DHX36: variants seen among roughly 807,000 people sequenced by gnomAD.
The protein encoded by DHX36 is ATP-dependent DNA/RNA helicase DHX36.
In DHX36, 50 loss-of-function variants were observed where a neutral mutation model predicts 139.0. The ratio of observed to expected loss-of-function variants is 0.36; its 90% CI spans 0.29 to 0.46. The LOEUF is 0.46. Ranked by LOEUF, DHX36 falls within the 20% of genes least tolerant of loss-of-function variation. The pLI, the probability that DHX36 is intolerant of heterozygous loss-of-function variation, is 1.00. For missense variants in DHX36, 1,024 were observed against 1,211.3 expected, an observed-to-expected ratio of 0.85 and a Z score of 2.29; for synonymous variants, 425 against 401.9, an observed-to-expected ratio of 1.06 and a Z score of -0.69.
At chr3:154,290,112 G>A (rs1254488520) in intron 15 of DHX36, among the ~76,000 whole-genome samples, 1 of 152,066 alleles carries the variant, frequency 6.6e-6, no homozygotes, top group Non-Finnish European at 1.5e-5. Context: ...CCAAATTACT[G>A]TGCTCAGTAA....
intron 2 of DHX36, 66 bp downstream of exon 2, chr3:154,315,973 G>T: frequency 1.3e-6 from 2 of 1,484,596 alleles, no homozygotes; most frequent in Non-Finnish European, 1.8e-6. Flanking sequence ...AGAAAATAAA[G>T]ATGTTATTTT....
intron 17 of DHX36, among the ~76,000 whole-genome samples, chr3:154,285,292 A>T (rs1325532334): frequency 3.3e-5 from 5 of 152,226 alleles, no homozygotes; most frequent in African/African-American, 1.2e-4. Flanking sequence ...TTGTAGAAAC[A>T]AACAACAAAA....
Position 154,276,801 on chromosome 3 carries a change from A to G in DHX36, c.2787T>C (p.Ala929=), listed in dbSNP as rs768734415. The part of the protein sequence containing the change: ...IQKDNDQETI[A]VDEWIVFQSP... ...ACTGAAATACAATCCACTCATCTACAGCAATAGTTTCCTGATCGTTATCCT... is the reference window on the plus strand; with the variant it reads ...ACTGAAATACAATCCACTCATCTACGGCAATAGTTTCCTGATCGTTATCCT... The change falls in exon 24 of 25, where the codon GCT becomes GCC. Residue 929 remains alanine, a synonymous_variant. Transcript: ENST00000496811. 2 of 1,614,036 alleles carry G rather than the reference A, an allele frequency of 1.2e-6. No individual in the cohort carries two copies. Among genetic ancestry groups the G allele is most frequent in the South Asian group, 2.2e-5 (2 of 91,064 alleles).
chr3:154,280,880 C>T lies in DHX36; in HGVS notation c.2377-18G>A. ...TGCAGCATCTAGGGAGCAATGGTAA[C>T]AAATAGAACTAGAATACCTTTCACA... On this transcript the variant is annotated intron_variant, in intron 20 of 24. Coordinates refer to ENST00000496811, the MANE Select transcript of DHX36 (RefSeq NM_020865.3). 6.3e-7 allele frequency: 1 copy of T among 1,580,946 alleles called. No homozygotes were observed. The highest frequency in any genetic ancestry group is 8.7e-7 in the Non-Finnish European group (1 of 1,151,684).
chr3:154,284,519 T>A (rs1427972924), intron 19 of DHX36, 64 bp downstream of exon 19: 10 of 1,360,988 alleles, frequency 7.3e-6, no homozygotes, highest in Non-Finnish European at 1.0e-5. Context: ...ATGATCCTTA[T>A]TCTATTATTA....
intron 12 of DHX36, among the ~76,000 whole-genome samples, chr3:154,296,659 C>G (rs1712060523): frequency 6.6e-6 from 1 of 152,062 alleles, no homozygotes; most frequent in Non-Finnish European, 1.5e-5. Context: ...GGGAGAGTAT[C>G]AAGAAAGCAA....
intron 17 of DHX36, among the ~76,000 whole-genome samples, chr3:154,285,393 A>T (rs748804395): frequency 6.6e-6 from 1 of 152,230 alleles, no homozygotes; most frequent in Non-Finnish European, 1.5e-5. Flanking sequence ...AAAGCAAAAG[A>T]AAAAGGAACT....
At chr3:154,276,476 C>T in intron 24 of DHX36, 120 bp from the exon 25 acceptor site, 3 of 978,976 alleles carry the variant, frequency 3.1e-6, no homozygotes, top group Non-Finnish European at 4.5e-6. Flanking sequence ...AAAGCTAAAA[C>T]ATTTAGTGAG....
chr3:154,277,528 A>G, intron 23 of DHX36, 70 bp downstream of exon 23: 2 of 1,464,406 alleles, frequency 1.4e-6, no homozygotes, highest in South Asian at 3.1e-5. Context: ...ATAATTGTTA[A>G]AACTACACAA....
Position 154,276,711 on chromosome 3 carries a change from CAT to C in DHX36, c.2841+34_2841+35del, listed in dbSNP as rs777290837. 3 of 1,601,754 alleles carry C rather than the reference CAT, an allele frequency of 1.9e-6. No homozygotes were observed. The East Asian group carries it at 6.7e-5, about 36-fold the overall frequency. On this transcript the variant is annotated intron_variant, in intron 24 of 24. Coordinates refer to ENST00000496811, the MANE Select transcript of DHX36 (RefSeq NM_020865.3). ...AACCACATGACCACATGCTGACTTA[CAT>C]GTAGATTTAAGATAATCACATAAAG...
At position 154,284,813 on chromosome 3, in the gene DHX36, C is replaced by A; in HGVS notation, c.2205+1G>T. On this transcript the variant is annotated splice_donor_variant, in intron 18 of 24. Coordinates refer to ENST00000496811, the MANE Select transcript of DHX36 (RefSeq NM_020865.3). LOFTEE classifies it high-confidence loss of function. ...CTCGGTTTTATTTCCATTTTTCTTA[C>A]CAGTGGAATGACAAATGGATCTTTG... The A allele has an allele frequency of 6.2e-7, 1 of 1,613,070 alleles. No homozygotes were observed. The highest frequency in any genetic ancestry group is 8.5e-7 in the Non-Finnish European group (1 of 1,179,454).
rs1159938610 is a variant in DHX36, at chr3:154,282,568, T to C, written c.2376+620A>G. Reference sequence around the variant, plus strand: ...CTTTTCCTTTCCTTCCGAATTGTGGTGATCCTTTTTTTCCATTTTGCTAAT... The same window carrying C: ...CTTTTCCTTTCCTTCCGAATTGTGGCGATCCTTTTTTTCCATTTTGCTAAT... On this transcript the variant is annotated intron_variant, in intron 20 of 24. Transcript: ENST00000496811. Among the ~76,000 whole-genome samples the C allele has an allele frequency of 2.6e-5, 4 of 151,924 alleles. No individual in the cohort carries two copies. In the South Asian group the frequency reaches 6.2e-4, roughly 24 times the overall value.
chr3:154,303,271 T>A, intron 9 of DHX36, 58 bp downstream of exon 9: 2 of 1,248,254 alleles, frequency 1.6e-6, no homozygotes, highest in Admixed American at 2.2e-5. Context: ...AAGTTTGACA[T>A]GAGAAAAGTG....
chr3:154,296,407 G>A (rs950102458), intron 12 of DHX36, among the ~76,000 whole-genome samples: 1 of 152,236 alleles, frequency 6.6e-6, no homozygotes, highest in African/African-American at 2.4e-5. Flanking sequence ...CTGGGAGGCG[G>A]AGCTTGCAGT....
At chr3:154,321,761 C>G (rs958322540) in intron 1 of DHX36, among the ~76,000 whole-genome samples, 9 of 152,268 alleles carry the variant, frequency 5.9e-5, no homozygotes, top group African/African-American at 1.9e-4. Flanking sequence ...GAGCTCAAGA[C>G]CAGCCTGGCC....
chr3:154,277,310 T>G (rs933022494), intron 23 of DHX36, among the ~76,000 whole-genome samples: 5 of 152,166 alleles, frequency 3.3e-5, no homozygotes, highest in African/African-American at 1.2e-4. Context: ...TTCTATACAA[T>G]GTAAACTCCT....
At chr3:154,313,896 A>G (rs1158629955) in intron 3 of DHX36, among the ~76,000 whole-genome samples, 1 of 152,276 alleles carries the variant, frequency 6.6e-6, no homozygotes, top group Non-Finnish European at 1.5e-5. Flanking sequence ...TTCCTCATCT[A>G]CAACAGACAT....
At chr3:154,307,296 C>T (rs1712541277) in intron 5 of DHX36, among the ~76,000 whole-genome samples, 1 of 152,062 alleles carries the variant, frequency 6.6e-6, no homozygotes, top group Non-Finnish European at 1.5e-5. Context: ...GAAGTTTCTA[C>T]ACAACAAAAG....
intron 22 of DHX36, among the ~76,000 whole-genome samples, chr3:154,278,160 T>G (rs1719216085): frequency 6.6e-6 from 1 of 152,162 alleles, no homozygotes; most frequent in South Asian, 2.1e-4. Flanking sequence ...GCCCTTGATT[T>G]ACAAAATAAC....
Sources: allele counts gnomAD v4.1 joint callset (sites outside exome capture counted in the v4.1 genomes callset), GRCh38; gene constraint gnomAD v4.1.1; transcripts MANE v1.5; gene names NCBI Gene and HGNC (gene_info 2026-07-23, HGNC 2026-07-21).